The following CDH11 variants were observed in gnomAD, a reference collection of about 807,000 sequenced individuals.
CDH11 encodes cadherin 11.
Under a neutral mutation model 67.8 loss-of-function variants are expected in CDH11, and 11 were observed. The ratio of observed to expected loss-of-function variants is 0.16; its 90% CI spans 0.10 to 0.27. CDH11 has a LOEUF of 0.27. Ranked by LOEUF, CDH11 falls within the 10% of genes least tolerant of loss-of-function variation. The pLI, the probability that CDH11 is intolerant of heterozygous loss-of-function variation, is 1.00. For synonymous variants in CDH11, 419 were observed against 400.0 expected (o/e 1.05, Z -0.57); for missense variants, 847 against 1,031.2 (o/e 0.82, Z 2.45).
At position 65,004,962 on chromosome 16, in the gene CDH11, C is replaced by T. The variant is rs1464773900; in HGVS notation, c.-93G>A. On this transcript the variant is annotated 5_prime_UTR_variant, in exon 3 of 13. The change abolishes the stop of an existing upstream ORF in the 5' untranslated region. Transcript: ENST00000268603. ...GCTGAGGGTGGCCTCCCGGACGCGT[C>T]ACGCAGACCTCTCTTGGGATGGAAT... 2 of 1,435,536 alleles carry T rather than the reference C, an allele frequency of 1.4e-6. No homozygotes were observed. Among genetic ancestry groups the T allele is most frequent in the Non-Finnish European group, 1.8e-6 (2 of 1,090,454 alleles). The allele number at this position is 1,435,536 out of a possible 1,614,324, so 88.9% of individuals were successfully genotyped here. A position where few individuals can be genotyped will look rare whatever the true frequency, so the allele number is the denominator to read the frequency against.
chr16:65,000,635 C>T (rs545997265), intron 3 of CDH11, among the ~76,000 whole-genome samples: 14 of 152,072 alleles, frequency 9.2e-5, no homozygotes, highest in African/African-American at 3.1e-4. Flanking sequence ...ATGCTGAAAC[C>T]TCATCTCTAG....
chr16:64,970,465 G>A (rs1446325772), intron 11 of CDH11, among the ~76,000 whole-genome samples: 1 of 152,126 alleles, frequency 6.6e-6, no homozygotes, highest in African/African-American at 2.4e-5. Flanking sequence ...GTTATTTAAT[G>A]ATTCTGTGCC....
At chr16:64,952,809 G>A (rs1597007754) in intron 11 of CDH11, among the ~76,000 whole-genome samples, 1 of 152,024 alleles carries the variant, frequency 6.6e-6, no homozygotes, top group African/African-American at 2.4e-5. Context: ...AGGTTGACAG[G>A]ATTTTGAATT....
intron 11 of CDH11, among the ~76,000 whole-genome samples, chr16:64,954,278 T>C (rs1242575870): frequency 3.3e-5 from 5 of 152,228 alleles, no homozygotes; most frequent in Non-Finnish European, 7.3e-5. Flanking sequence ...AAACCTCTGC[T>C]ATTAAAACAT....
chr16:65,113,638 C>T (rs149636700), intron 1 of CDH11, among the ~76,000 whole-genome samples: 1 of 152,050 alleles, frequency 6.6e-6, no homozygotes, highest in South Asian at 2.1e-4. Context: ...GGAGTGGAAG[C>T]AGATGGGAGT....
chr16:65,123,342 G>A (rs1216414216), upstream of CDH11, among the ~76,000 whole-genome samples: 1 of 151,998 alleles, frequency 6.6e-6, no homozygotes. Context: ...GGCTGGGAAA[G>A]GAGAAGAGAT....
chr16:65,051,854 G>GTTGACCC (rs1458947220), intron 2 of CDH11, among the ~76,000 whole-genome samples: 4 of 152,150 alleles, frequency 2.6e-5, no homozygotes, highest in African/African-American at 9.7e-5. Flanking sequence ...CCCCAGCCAT[G>GTTGACCC]CAGAACTGTG....
chr16:64,952,935 T>A, intron 11 of CDH11, among the ~76,000 whole-genome samples: 1 of 152,120 alleles, frequency 6.6e-6, no homozygotes, highest in East Asian at 1.9e-4. Context: ...TATAGGACCC[T>A]CCCCTGAATA....
At chr16:65,026,547 G>T (rs2073538272) in intron 2 of CDH11, among the ~76,000 whole-genome samples, 1 of 152,120 alleles carries the variant, frequency 6.6e-6, no homozygotes, top group African/African-American at 2.4e-5. Flanking sequence ...TGGAGACAAG[G>T]ATTTCTTCAA....
intron 11 of CDH11, among the ~76,000 whole-genome samples, chr16:64,960,240 G>T (rs1397894069): frequency 1.3e-5 from 2 of 152,080 alleles, no homozygotes; most frequent in African/African-American, 4.8e-5. Context: ...CAAATGATTT[G>T]TTCTCTTTTT....
chr16:65,047,673 T>C (rs1230063034), intron 2 of CDH11, among the ~76,000 whole-genome samples: 1 of 152,170 alleles, frequency 6.6e-6, no homozygotes, highest in Non-Finnish European at 1.5e-5. Context: ...TTTAACCGTC[T>C]TTATCTATTT....
chr16:64,994,830 G>T (rs2142500726), intron 4 of CDH11, among the ~76,000 whole-genome samples: 1 of 152,220 alleles, frequency 6.6e-6, no homozygotes, highest in African/African-American at 2.4e-5. Context: ...CTGCCAAAAG[G>T]CTCTTAGAAC....
intron 12 of CDH11, 21 bp downstream of exon 12, chr16:64,950,746 G>A (rs1323415771): frequency 6.2e-7 from 1 of 1,607,136 alleles, no homozygotes; most frequent in Admixed American, 1.7e-5. Flanking sequence ...CTTCCTGCAG[G>A]GGACCAGGAA....
intron 1 of CDH11, among the ~76,000 whole-genome samples, chr16:65,116,245 GAGA>G (rs768260589): frequency 1.3e-5 from 2 of 152,178 alleles, no homozygotes; most frequent in Non-Finnish European, 2.9e-5. Flanking sequence ...TGCTCTTATT[GAGA>G]AGAATAAAGA....
At chr16:65,048,568 T>C (rs1050415293) in intron 2 of CDH11, among the ~76,000 whole-genome samples, 1 of 151,956 alleles carries the variant, frequency 6.6e-6, no homozygotes, top group African/African-American at 2.4e-5. Context: ...TATGTGTGTG[T>C]AAAATGTGGT....
chr16:65,055,024 T>C (rs2074119874), intron 1 of CDH11, among the ~76,000 whole-genome samples: 2 of 152,214 alleles, frequency 1.3e-5, no homozygotes, highest in African/African-American at 2.4e-5. Context: ...TGTAGCAAGA[T>C]GAACAATAAA....
intron 1 of CDH11, among the ~76,000 whole-genome samples, chr16:65,117,922 A>G (rs2075269565): frequency 6.6e-6 from 1 of 151,030 alleles, no homozygotes. Context: ...GTCAAGTTAC[A>G]GGATTTCCCA....
intron 7 of CDH11, among the ~76,000 whole-genome samples, chr16:64,984,173 T>C (rs930143027): frequency 6.6e-6 from 1 of 152,254 alleles, no homozygotes; most frequent in East Asian, 1.9e-4. Flanking sequence ...CCCAGATAGA[T>C]TTGTGTGGCC....
intron 7 of CDH11, chr16:64,982,529 A>G (rs980908952): frequency 2.0e-6 from 1 of 503,700 alleles, no homozygotes; most frequent in Non-Finnish European, 3.5e-6. Flanking sequence ...ACACAGAAAG[A>G]CCACGTCATC....
Sources: gnomAD v4.1 joint callset for allele counts (sites outside exome capture counted in the v4.1 genomes callset) on GRCh38, gnomAD v4.1.1 for gene constraint, MANE v1.5 for transcripts, NCBI Gene and HGNC (gene_info 2026-07-23, HGNC 2026-07-21) for gene names.